Variants in UTRN observed in about 807,000 individuals in gnomAD.
The protein encoded by UTRN is dystrophin-related protein 1.
UTRN carries 283 observed loss-of-function variants against 463.9 expected under a neutral mutation model. That is an observed-to-expected ratio of 0.61 (90% confidence interval 0.55 to 0.67). The LOEUF is 0.67. UTRN is among the 30% of genes least tolerant of loss of function. UTRN has a pLI of 0.00. For missense variants in UTRN, 3,922 were observed against 4,084.3 expected, an observed-to-expected ratio of 0.96 and a Z score of 1.08; for synonymous variants, 1,442 against 1,431.5, an observed-to-expected ratio of 1.01 and a Z score of -0.17.
At chr6:144,501,078 C>G (rs1030795605) in intron 34 of UTRN, among the ~76,000 whole-genome samples, 3 of 152,066 alleles carry the variant, frequency 2.0e-5, no homozygotes, top group Non-Finnish European at 4.4e-5. Context: ...GTGGAGATGA[C>G]AGCTGGGAGA....
intron 2 of UTRN, among the ~76,000 whole-genome samples, chr6:144,347,837 G>GTTTTTTGTTTTTT (rs1777719107): frequency 1.6e-5 from 2 of 128,902 alleles, no homozygotes; most frequent in African/African-American, 6.8e-5. Flanking sequence ...CTTATTCTTT[G>GTTTTTTGTTTTTT]TTTTTTTTTT....
intron 53 of UTRN, among the ~76,000 whole-genome samples, chr6:144,714,680 A>G (rs1786187524): frequency 6.6e-6 from 1 of 152,212 alleles, no homozygotes; most frequent in Non-Finnish European, 1.5e-5. Context: ...CATGTAACAC[A>G]ATATTGAATG....
chr6:144,840,634 T>G, intron 72 of UTRN, 106 bp from the exon 73 acceptor site: 4 of 1,233,628 alleles, frequency 3.2e-6, no homozygotes, highest in Non-Finnish European at 4.5e-6. Flanking sequence ...CTTTTCACAT[T>G]GATATTTAGA....
chr6:144,521,426 A>G (rs1269662408), intron 39 of UTRN, among the ~76,000 whole-genome samples: 1 of 152,180 alleles, frequency 6.6e-6, no homozygotes, highest in African/African-American at 2.4e-5. Context: ...CTAATGTAGG[A>G]TATTCCTGCT....
rs145026541 is a variant in UTRN at position 144,459,174 on chromosome 6, C to T, written c.2527C>T (p.Arg843Trp). 2.5e-5 allele frequency: 41 copies of T among 1,608,892 alleles called. 1 individual carries two copies. Among genetic ancestry groups the T allele is most frequent in the Middle Eastern group, 1.7e-4 (1 of 6,050 alleles). ...SLPSLKDSCQ[R>W]ELTNLLGLHP... is the part of the protein sequence containing the mutation. The stretch of plus-strand genomic sequence containing the variant: ...TGTGACCGTATTTTCTCTTCCTTAG[C>T]GGGAATTGACAAATCTTCTTGGCCT... The change falls in exon 21 of 75, where the codon CGG becomes TGG. Residue 843 changes from arginine to tryptophan, a missense_variant and splice_region_variant. Coordinates refer to ENST00000367545, the MANE Select transcript of UTRN (RefSeq NM_007124.3).
At chr6:144,313,069 C>T (rs1775040496) in intron 2 of UTRN, among the ~76,000 whole-genome samples, 1 of 152,194 alleles carries the variant, frequency 6.6e-6, no homozygotes, top group African/African-American at 2.4e-5. Flanking sequence ...ATCCTGGTTC[C>T]TTCTCTCTTG....
intron 73 of UTRN, among the ~76,000 whole-genome samples, chr6:144,846,437 A>G (rs1782019005): frequency 1.3e-5 from 2 of 152,250 alleles, no homozygotes; most frequent in Admixed American, 1.3e-4. Context: ...TCCCTTGGTC[A>G]GAATTAGTAC....
At chr6:144,677,157 G>A (rs62427192) in intron 51 of UTRN, among the ~76,000 whole-genome samples, 8,212 of 152,214 alleles carry the variant, frequency 0.054, 241 homozygotes, top group African/African-American at 0.072. Flanking sequence ...GTGCAGGTTT[G>A]TTCCATAGGT....
chr6:144,524,296 A>G (rs1030761097), intron 41 of UTRN, among the ~76,000 whole-genome samples: 1 of 152,178 alleles, frequency 6.6e-6, no homozygotes, highest in Admixed American at 6.5e-5. Context: ...TGATCATTAG[A>G]TGAAGACAAA....
intron 54 of UTRN, among the ~76,000 whole-genome samples, chr6:144,731,853 T>C (rs538510955): frequency 7.4e-6 from 1 of 135,108 alleles, no homozygotes; most frequent in African/African-American, 3.3e-5. Context: ...CTCATAATTA[T>C]TATTTCTTTT....
In UTRN at chr6:144,526,108, G is replaced by T. The variant is rs186454531; in HGVS notation, c.5906+2920G>T. On this transcript the variant is annotated intron_variant, in intron 41 of 74. Transcript: ENST00000367545. ...GACTTGTTTTGTGGCTTATCACATG[G>T]TCTATCTTGGAGAATATTCCATGTG... is the stretch of plus-strand genomic sequence containing the variant. Among the ~76,000 whole-genome samples, 78 of 152,212 alleles carry T rather than the reference G, an allele frequency of 5.1e-4. No individual in the cohort carries two copies. The East Asian group carries it at 0.012, about 24-fold the overall frequency.
At chr6:144,838,352 G>A (rs542210922) in intron 71 of UTRN, among the ~76,000 whole-genome samples, 2 of 152,072 alleles carry the variant, frequency 1.3e-5, no homozygotes, top group Non-Finnish European at 2.9e-5. Context: ...AATTTAGGAT[G>A]ATGAATGCTA....
chr6:144,321,778 T>G (rs1775670680), intron 2 of UTRN, among the ~76,000 whole-genome samples: 3 of 151,308 alleles, frequency 2.0e-5, no homozygotes, highest in Admixed American at 6.6e-5. Context: ...CCTTTTTTTT[T>G]TTTTTGAGAT....
intron 33 of UTRN, among the ~76,000 whole-genome samples, chr6:144,495,227 G>T (rs1041159578): frequency 6.6e-6 from 1 of 152,288 alleles, no homozygotes. Context: ...GGCTCCGGCC[G>T]CACAGGAGCC....
chr6:144,308,762 T>G (rs958129315), intron 2 of UTRN, among the ~76,000 whole-genome samples: 2 of 152,208 alleles, frequency 1.3e-5, no homozygotes, highest in African/African-American at 4.8e-5. Flanking sequence ...CTCTTCTGCA[T>G]CCCTATGATT....
Position 144,523,079 on chromosome 6 carries a change from G to A in UTRN, c.5797G>A (p.Asp1933Asn). 1 of 1,613,344 alleles carries A rather than the reference G, an allele frequency of 6.2e-7. No homozygotes were observed. The highest frequency in any genetic ancestry group is 8.5e-7 in the Non-Finnish European group (1 of 1,179,680). ...TGCAGTCATTCATGAAAAACAGCCA[G>A]ATGTCATCCTTGAAGCCTCTGGACC... is the stretch of plus-strand genomic sequence containing the variant. ...QIAVIHEKQP[D>N]VILEASGPEA... is the part of the protein sequence containing the mutation. Residue 1933 changes from aspartate (D) to asparagine (N), a missense_variant, in exon 41 of 75, where the codon GAT (aspartate) becomes AAT (asparagine). Physicochemically the swap from Asp to Asn is conservative, Grantham distance 23. Coordinates refer to ENST00000367545, the MANE Select transcript of UTRN (RefSeq NM_007124.3).
At chr6:144,709,292 G>A (rs1267768272) in intron 53 of UTRN, among the ~76,000 whole-genome samples, 2 of 152,062 alleles carry the variant, frequency 1.3e-5, no homozygotes, top group Admixed American at 1.3e-4. Context: ...AATTTTTTCA[G>A]ATATGTTTTA....
At chr6:144,367,525 A>G (rs1339902956) in intron 2 of UTRN, among the ~76,000 whole-genome samples, 1 of 152,152 alleles carries the variant, frequency 6.6e-6, no homozygotes, top group East Asian at 1.9e-4. Flanking sequence ...AATATTTTCT[A>G]TTATGCATTT....
intron 50 of UTRN, among the ~76,000 whole-genome samples, chr6:144,557,838 G>A (rs1172754615): frequency 1.3e-5 from 2 of 151,972 alleles, no homozygotes; most frequent in Non-Finnish European, 2.9e-5. Flanking sequence ...AGAGTATTTG[G>A]AACAGCCCAA....
Sources: gnomAD v4.1 joint callset for allele counts (sites outside exome capture counted in the v4.1 genomes callset) on GRCh38, gnomAD v4.1.1 for gene constraint, MANE v1.5 for transcripts, NCBI Gene and HGNC (gene_info 2026-07-23, HGNC 2026-07-21) for gene names.